DCBLD2: variants seen among roughly 807,000 people sequenced by gnomAD.
DCBLD2 encodes the protein discoidin, CUB and LCCL domain containing 2.
In DCBLD2, 54 loss-of-function variants were observed where a neutral mutation model predicts 86.8. The observed-to-expected ratio is 0.62, with a 90% CI of 0.50 to 0.78. DCBLD2 has a LOEUF of 0.78. DCBLD2 is among the 30% of genes least tolerant of loss of function. The pLI is 0.00. For synonymous variants in DCBLD2, 354 were observed against 341.3 expected (o/e 1.04, Z -0.41); for missense variants, 908 against 954.2 (o/e 0.95, Z 0.64).
chr3:98,865,776 T>C (rs1193093471), intron 2 of DCBLD2, among the ~76,000 whole-genome samples: 2 of 152,166 alleles, frequency 1.3e-5, no homozygotes, highest in Non-Finnish European at 2.9e-5. Flanking sequence ...AGGTGACATA[T>C]GTATACATGT....
chr3:98,836,755 TG>T (rs1942466219), intron 3 of DCBLD2, among the ~76,000 whole-genome samples: 1 of 55,052 alleles, frequency 1.8e-5, no homozygotes, highest in African/African-American at 6.6e-5. Flanking sequence ...CCGGACGGGG[TG>T]GCTGGCCGGG....
intron 3 of DCBLD2, among the ~76,000 whole-genome samples, chr3:98,847,590 T>C (rs1037675095): frequency 6.6e-6 from 1 of 152,160 alleles, no homozygotes; most frequent in African/African-American, 2.4e-5. Flanking sequence ...ATAAGACATA[T>C]CGTGTTTATC....
At chr3:98,892,739 C>T (rs1486589952) in intron 1 of DCBLD2, among the ~76,000 whole-genome samples, 1 of 152,102 alleles carries the variant, frequency 6.6e-6, no homozygotes, top group Non-Finnish European at 1.5e-5. Flanking sequence ...TTCTCTATAA[C>T]CTCAAAAGTC....
At chr3:98,873,729 A>AT (rs1048199903) in intron 2 of DCBLD2, among the ~76,000 whole-genome samples, 12 of 152,096 alleles carry the variant, frequency 7.9e-5, no homozygotes, top group African/African-American at 2.7e-4. Flanking sequence ...TAAAAAAAAA[A>AT]TTTTAAATCA....
Position 98,811,996 on chromosome 3 carries a change from T to C in DCBLD2, c.1363+336A>G, listed in dbSNP as rs919748669. ...ATAAATTATTCTTGCTTTAAATGTATTGTTACAATCTTTCATGCTTATGTT... is the reference window on the plus strand; with the variant it reads ...ATAAATTATTCTTGCTTTAAATGTACTGTTACAATCTTTCATGCTTATGTT... On this transcript the variant is annotated intron_variant, in intron 10 of 15. Coordinates refer to ENST00000326840, the MANE Select transcript of DCBLD2 (RefSeq NM_080927.4). 6.6e-5 allele frequency among the ~76,000 whole-genome samples: 10 copies of C among 152,338 alleles called. No homozygotes were observed. In the East Asian group the frequency reaches 1.5e-3, roughly 23 times the overall value.
intron 1 of DCBLD2, among the ~76,000 whole-genome samples, chr3:98,885,012 A>G (rs1008088293): frequency 6.6e-6 from 1 of 152,152 alleles, no homozygotes; most frequent in African/African-American, 2.4e-5. Context: ...CCTTTCCAAC[A>G]TGAAGGATAA....
chr3:98,864,766 A>G (rs1943112078), intron 2 of DCBLD2, among the ~76,000 whole-genome samples: 3 of 152,174 alleles, frequency 2.0e-5, no homozygotes, highest in Admixed American at 2.0e-4. Flanking sequence ...TGACGAGTTA[A>G]TGGGTGCAGC....
At chr3:98,831,048 T>C (rs1361878432) in intron 3 of DCBLD2, among the ~76,000 whole-genome samples, 1 of 152,004 alleles carries the variant, frequency 6.6e-6, no homozygotes, top group Non-Finnish European at 1.5e-5. Context: ...TGACTGTTTT[T>C]GGTGTACAGA....
At chr3:98,881,348 T>C (rs1480327781) in intron 2 of DCBLD2, among the ~76,000 whole-genome samples, 192 bp downstream of exon 2, 1 of 151,944 alleles carries the variant, frequency 6.6e-6, no homozygotes, top group East Asian at 1.9e-4. Context: ...TATGTGCTTA[T>C]TAGAAAAGTA....
chr3:98,900,984 G>A, intron 1 of DCBLD2, 138 bp downstream of exon 1: 1 of 1,435,604 alleles, frequency 7.0e-7, no homozygotes, highest in African/African-American at 1.4e-5. Flanking sequence ...ACTCAACCCC[G>A]TGAGTACCCA....
chr3:98,819,516 T>G, intron 7 of DCBLD2, 99 bp from the exon 8 acceptor site: 2 of 1,165,360 alleles, frequency 1.7e-6, no homozygotes, highest in Non-Finnish European at 2.5e-6. Context: ...TTAATTAACA[T>G]ACACTACACT....
At chr3:98,853,064 T>C (rs189254325) in intron 2 of DCBLD2, among the ~76,000 whole-genome samples, 49 of 152,292 alleles carry the variant, frequency 3.2e-4, no homozygotes, top group African/African-American at 1.0e-3. Flanking sequence ...GATAATTTAT[T>C]AAGAAGCAAA....
chr3:98,881,471 T>C, intron 2 of DCBLD2, 69 bp downstream of exon 2: 1 of 1,387,696 alleles, frequency 7.2e-7, no homozygotes, highest in Admixed American at 1.7e-5. Flanking sequence ...TATTTAATGT[T>C]AATATCAAAA....
chr3:98,828,805 C>T (rs547067536), intron 3 of DCBLD2, among the ~76,000 whole-genome samples: 1 of 152,208 alleles, frequency 6.6e-6, no homozygotes, highest in South Asian at 2.1e-4. Flanking sequence ...GGTGTATATA[C>T]ATACAATGGA....
intron 2 of DCBLD2, among the ~76,000 whole-genome samples, chr3:98,862,686 A>T (rs899872921): frequency 2.0e-5 from 3 of 152,106 alleles, no homozygotes; most frequent in Non-Finnish European, 4.4e-5. Flanking sequence ...TATCCTAAAA[A>T]CTCTCAATAA....
intron 8 of DCBLD2, among the ~76,000 whole-genome samples, chr3:98,818,322 T>C (rs1942059342): frequency 1.3e-5 from 2 of 152,152 alleles, no homozygotes; most frequent in South Asian, 4.1e-4. Context: ...AAATTTATAC[T>C]CTCCACATGT....
At chr3:98,898,998 A>C (rs576613338) in intron 1 of DCBLD2, among the ~76,000 whole-genome samples, 3 of 152,062 alleles carry the variant, frequency 2.0e-5, no homozygotes, top group East Asian at 3.9e-4. Context: ...ATGCATGCTC[A>C]CCTTAATGAT....
intron 2 of DCBLD2, among the ~76,000 whole-genome samples, chr3:98,866,823 G>C (rs1216205424): frequency 1.3e-5 from 2 of 152,088 alleles, no homozygotes; most frequent in Non-Finnish European, 2.9e-5. Context: ...TTTCTTCTAG[G>C]GTTTTTATGG....
intron 1 of DCBLD2, among the ~76,000 whole-genome samples, chr3:98,885,789 T>A (rs959589811): frequency 2.6e-5 from 4 of 151,764 alleles, no homozygotes; most frequent in Non-Finnish European, 4.4e-5. Flanking sequence ...AAAAGGTGGG[T>A]TGCAGGGCAG....
Sources: gnomAD v4.1 joint callset for allele counts (sites outside exome capture counted in the v4.1 genomes callset) on GRCh38, gnomAD v4.1.1 for gene constraint, MANE v1.5 for transcripts, NCBI Gene and HGNC (gene_info 2026-07-23, HGNC 2026-07-21) for gene names.